TMEM127: variants seen among roughly 807,000 people sequenced by gnomAD.
TMEM127 encodes transmembrane protein 127.
Under a neutral mutation model 20.1 loss-of-function variants are expected in TMEM127, and 21 were observed. That is an observed-to-expected ratio of 1.04 (90% confidence interval 0.74 to 1.50). The LOEUF is 1.50. Among genes scored for constraint, TMEM127 ranks in the 40% most tolerant of loss-of-function variants. The pLI is 0.00. For synonymous variants in TMEM127, 150 were observed against 144.7 expected, an observed-to-expected ratio of 1.04 and a Z score of -0.26; for missense variants, 303 against 317.4, an observed-to-expected ratio of 0.95 and a Z score of 0.34.
In TMEM127 at chr2:96,250,248, C is replaced by A. The variant is rs886056428; in HGVS notation, c.*3560G>T. The A allele has an allele frequency of 3.0e-5, 7 of 233,108 alleles. No homozygotes were observed. The East Asian group carries it at 3.6e-4, about 12-fold the overall frequency. The allele number at this position is 233,108 out of a possible 1,614,324, so 14.4% of individuals were successfully genotyped here. ...TCACCTTTCTAACCTCGGCTCTTAC[C>A]ACCTCCTGGCCACCAGTGTGCTTTT... is the stretch of plus-strand genomic sequence containing the variant. On this transcript the variant is annotated 3_prime_UTR_variant, in exon 4 of 4. Transcript: ENST00000258439.
In TMEM127 at chr2:96,249,864, CCT is replaced by C; in HGVS notation, c.*3942_*3943del. On this transcript the variant is annotated 3_prime_UTR_variant, in exon 4 of 4. Coordinates refer to ENST00000258439, the MANE Select transcript of TMEM127 (RefSeq NM_017849.4). Reference sequence around the variant, plus strand: ...CCCTGCCCCAGATGCACCACCTCTTCCTGTGTCCCAGGGTCCTCTCCTTGCGG... The same window carrying C: ...CCCTGCCCCAGATGCACCACCTCTTCGTGTCCCAGGGTCCTCTCCTTGCGG... 4.3e-6 allele frequency: 1 copy of C among 233,360 alleles called. No homozygotes were observed. Among genetic ancestry groups the C allele is most frequent in the Non-Finnish European group, 8.5e-6 (1 of 118,128 alleles). The allele number at this position is 233,360 out of a possible 1,614,324, so 14.5% of individuals were successfully genotyped here.
chr2:96,265,326 C>A lies in TMEM127; in HGVS notation c.56G>T (p.Gly19Val), dbSNP rs1331019402. 8 of 1,523,740 alleles carry A rather than the reference C, an allele frequency of 5.3e-6. No homozygotes were observed. The Admixed American group carries it at 1.6e-4, about 31-fold the overall frequency. The allele number at this position is 1,523,740 out of a possible 1,614,324, so 94.4% of individuals were successfully genotyped here. The change falls in exon 2 of 4, where the codon GGA becomes GTA. Residue 19 changes from glycine to valine, a missense_variant. Gly to Val is a moderately radical substitution (Grantham distance 109). Coordinates refer to ENST00000258439, the MANE Select transcript of TMEM127 (RefSeq NM_017849.4). The stretch of plus-strand genomic sequence containing the variant: ...CGGCTGCTTGGGCAGAGCGCTGCCT[C>A]CCGGGCTCCTCCGCCGGCGCCCGCC... ...LPGGRRRRSPGGSALPKQPER... is the reference protein window; with the variant it reads ...LPGGRRRRSPVGSALPKQPER...
At chr2:96,264,468 C>A (rs531802420) in intron 2 of TMEM127, among the ~76,000 whole-genome samples, 2 of 152,178 alleles carry the variant, frequency 1.3e-5, no homozygotes, top group African/African-American at 4.8e-5. Context: ...GTCCTGTCCT[C>A]ACACTTCACA....
Position 96,252,033 on chromosome 2 carries a change from T to C in TMEM127, c.*1775A>G, listed in dbSNP as rs887162079. 4 of 233,300 alleles carry C rather than the reference T, an allele frequency of 1.7e-5. No homozygotes were observed. Among genetic ancestry groups the C allele is most frequent in the Admixed American group, 5.6e-5 (1 of 17,758 alleles). The allele number at this position is 233,300 out of a possible 1,614,324, so 14.5% of individuals were successfully genotyped here. A position where few individuals can be genotyped will look rare whatever the true frequency, so the allele number is the denominator to read the frequency against. On this transcript the variant is annotated 3_prime_UTR_variant, in exon 4 of 4. Transcript: ENST00000258439. This position sits in a 1 kb window ranked among gnomAD's most constrained non-coding sequence, Gnocchi z 4.2. ...CTTGGCTTTGTGCTCAGGCATCACA[T>C]AGCAGGCAGCCTGCAGCCTTTCTTG...
rs1684051486 is a variant in TMEM127 at position 96,249,886 on chromosome 2, T to C, written c.*3922A>G. 1 of 233,144 alleles carries C rather than the reference T, an allele frequency of 4.3e-6. No individual in the cohort carries two copies. Among genetic ancestry groups the C allele is most frequent in the Non-Finnish European group, 8.5e-6 (1 of 118,046 alleles). 14.4% of individuals were successfully genotyped at this position (233,144 alleles called of 1,614,324 possible). On this transcript the variant is annotated 3_prime_UTR_variant, in exon 4 of 4. Coordinates refer to ENST00000258439, the MANE Select transcript of TMEM127 (RefSeq NM_017849.4). ...CTTCCTGTGTCCCAGGGTCCTCTCC[T>C]TGCGGCCCTTCACATCCCATGGCTT... is the stretch of plus-strand genomic sequence containing the variant.
rs1408972017 is a variant in TMEM127, at chr2:96,251,321, C to G, written c.*2487G>C. On this transcript the variant is annotated 3_prime_UTR_variant, in exon 4 of 4. Coordinates refer to ENST00000258439, the MANE Select transcript of TMEM127 (RefSeq NM_017849.4). ...TAACCTGAGGTTAGGAGTTCCAGAC[C>G]AGCCTGGCCAACATGGTGAAACCCT... 5.1e-6 allele frequency: 1 copy of G among 195,558 alleles called. No individual in the cohort carries two copies. The highest frequency in any genetic ancestry group is 2.3e-5 in the African/African-American group (1 of 43,192). The allele number at this position is 195,558 out of a possible 1,614,324, so 12.1% of individuals were successfully genotyped here. A position where few individuals can be genotyped will look rare whatever the true frequency, so the allele number is the denominator to read the frequency against.
At chr2:96,265,706 T>C (rs370890836) in intron 1 of TMEM127, among the ~76,000 whole-genome samples, 163 bp downstream of exon 1, 1 of 151,968 alleles carries the variant, frequency 6.6e-6, no homozygotes, top group East Asian at 1.9e-4. Context: ...GATCGGCTAC[T>C]GCTAGAGCAA....
Position 96,249,436 on chromosome 2 carries a change from C to T in TMEM127, c.*4372G>A, listed in dbSNP as rs1245585098. 1 of 221,914 alleles carries T rather than the reference C, an allele frequency of 4.5e-6. No homozygotes were observed. Among genetic ancestry groups the T allele is most frequent in the African/African-American group, 2.2e-5 (1 of 44,592 alleles). The allele number at this position is 221,914 out of a possible 1,614,324, so 13.7% of individuals were successfully genotyped here. On this transcript the variant is annotated 3_prime_UTR_variant, in exon 4 of 4. Coordinates refer to ENST00000258439, the MANE Select transcript of TMEM127 (RefSeq NM_017849.4). ...TCTCAAACCAGTAACCCTAATGAAG[C>T]GTCTTCGTTTCAGGTGGGCTCATTC... is the stretch of plus-strand genomic sequence containing the variant.
intron 2 of TMEM127, among the ~76,000 whole-genome samples, chr2:96,264,620 G>T (rs548719082): frequency 1.3e-5 from 2 of 152,300 alleles, no homozygotes; most frequent in South Asian, 4.1e-4. Flanking sequence ...ATGGTTCCAA[G>T]AGCCACATTC....
chr2:96,261,121 C>A (rs1178672485), intron 2 of TMEM127, among the ~76,000 whole-genome samples: 1 of 152,218 alleles, frequency 6.6e-6, no homozygotes, highest in Non-Finnish European at 1.5e-5. Context: ...GGTGGCCACA[C>A]TTGAGAGGCA....
rs767100341 is a variant in TMEM127, at chr2:96,253,987, C to T, written c.538G>A (p.Val180Met). 3 of 1,614,122 alleles carry T rather than the reference C, an allele frequency of 1.9e-6. No homozygotes were observed. The South Asian group carries it at 3.3e-5, about 18-fold the overall frequency. Residue 180 changes from valine (V) to methionine (M), a missense_variant, in exon 4 of 4, where the codon GTG becomes ATG. Transcript: ENST00000258439. The surrounding 1 kb of genome is among the most constrained non-coding windows in gnomAD (Gnocchi z 4.3). ...YVTFAVSFYLVAGAGGASILA... is the reference protein window; with the variant it reads ...YVTFAVSFYLMAGAGGASILA... ...ATTGAGGCTCCACCAGCTCCTGCCA[C>T]CAGGTAGAAGCTAACGGCGAAGGTG... is the stretch of plus-strand genomic sequence containing the variant.
chr2:96,265,303 G>T lies in TMEM127; in HGVS notation c.79C>A (p.Pro27Thr). The change falls in exon 2 of 4, where the codon CCG becomes ACG. Residue 27 changes from proline (P) to threonine (T), a missense_variant. Pro to Thr is a conservative substitution (Grantham distance 38). Transcript: ENST00000258439. ...SPGGSALPKQ[P>T]ERSLASALPG... ...AGGGCCGAGGCCAGGCTACGCTCCG[G>T]CTGCTTGGGCAGAGCGCTGCCTCCC... is the stretch of plus-strand genomic sequence containing the variant. The T allele has an allele frequency of 6.5e-7, 1 of 1,543,970 alleles. No individual in the cohort carries two copies. Among genetic ancestry groups the T allele is most frequent in the Admixed American group, 1.9e-5 (1 of 51,956 alleles).
At chr2:96,258,876 C>G (rs569802861) in intron 2 of TMEM127, among the ~76,000 whole-genome samples, 1 of 152,262 alleles carries the variant, frequency 6.6e-6, no homozygotes, top group African/African-American at 2.4e-5. Flanking sequence ...TGCAGTAGGC[C>G]GTGTCAGATT....
chr2:96,260,543 G>C (rs1446200323), intron 2 of TMEM127: 1 of 152,166 alleles, frequency 6.6e-6, no homozygotes, highest in Admixed American at 6.5e-5. Flanking sequence ...CTGCTTGGCG[G>C]TGCCCTCTAG....
intron 1 of TMEM127, 75 bp from the exon 2 acceptor site, chr2:96,265,587 G>C: frequency 1.8e-6 from 1 of 550,040 alleles, no homozygotes; most frequent in Non-Finnish European, 2.7e-6. Flanking sequence ...GCGGGAATTC[G>C]GGGGGCGGAG....
chr2:96,254,798 GT>G (rs1558752296), intron 3 of TMEM127, 34 bp downstream of exon 3: 1 of 1,613,414 alleles, frequency 6.2e-7, no homozygotes, highest in Admixed American at 1.7e-5. Flanking sequence ...CCCTGTAGCA[GT>G]TCCTCTCCCA....
intron 2 of TMEM127, among the ~76,000 whole-genome samples, chr2:96,256,635 T>TA (rs1171946971): frequency 2.0e-5 from 3 of 151,324 alleles, no homozygotes; most frequent in East Asian, 1.9e-4. Context: ...ACCACAATTT[T>TA]AAAAAAAAGT....
Position 96,248,750 on chromosome 2 carries a change from AGGGCAGCC to A in TMEM127, c.*5050_*5057del. The stretch of plus-strand genomic sequence containing the variant: ...ACAGAAGGACAGGAACCTTCCAAAC[AGGGCAGCC>A]TGCAGGCCCTGCACCTTCAGGCCCC... On this transcript the variant is annotated 3_prime_UTR_variant, in exon 4 of 4. Coordinates refer to ENST00000258439, the MANE Select transcript of TMEM127 (RefSeq NM_017849.4). The A allele has an allele frequency of 1.7e-5, 4 of 230,944 alleles. No individual in the cohort carries two copies. The highest frequency in any genetic ancestry group is 3.4e-5 in the Non-Finnish European group (4 of 116,558). The allele number at this position is 230,944 out of a possible 1,614,324, so 14.3% of individuals were successfully genotyped here.
intron 2 of TMEM127, among the ~76,000 whole-genome samples, chr2:96,258,161 G>C (rs1684247672): frequency 6.6e-6 from 1 of 152,158 alleles, no homozygotes; most frequent in African/African-American, 2.4e-5. Context: ...GTGTTCCCAG[G>C]TCCCCAGAGA....
Sources: allele counts gnomAD v4.1 joint callset (sites outside exome capture counted in the v4.1 genomes callset), GRCh38; gene constraint gnomAD v4.1.1; non-coding constraint Gnocchi (gnomAD v3.1); transcripts MANE v1.5; gene names NCBI Gene and HGNC (gene_info 2026-07-23, HGNC 2026-07-21).